SPIDR: variants seen among roughly 807,000 people sequenced by gnomAD.
SPIDR encodes the protein DNA repair-scaffolding protein.
In SPIDR, 93 loss-of-function variants were observed where a neutral mutation model predicts 104.6. The observed-to-expected ratio is 0.89, with a 90% CI of 0.75 to 1.06. SPIDR has a LOEUF of 1.06. Among genes scored for constraint, SPIDR ranks in the 50% least tolerant of loss-of-function variants. The probability of loss-of-function intolerance (pLI) is 0.00; values close to 1 mark genes in which losing one functional copy is unlikely to be tolerated. For synonymous variants in SPIDR, 431 were observed against 416.9 expected (o/e 1.03, Z -0.41); for missense variants, 1,154 against 1,111.2 (o/e 1.04, Z -0.55).
chr8:47,452,923 TC>T (rs1203173599), intron 8 of SPIDR, among the ~76,000 whole-genome samples: 2 of 152,126 alleles, frequency 1.3e-5, no homozygotes, highest in Non-Finnish European at 2.9e-5. Context: ...AGTCAAATTG[TC>T]CCTGTTTGTA....
intron 5 of SPIDR, among the ~76,000 whole-genome samples, chr8:47,328,819 T>C (rs1294211596): frequency 1.3e-5 from 2 of 151,930 alleles, no homozygotes; most frequent in East Asian, 3.9e-4. Flanking sequence ...TGTTTCAGGG[T>C]TTTTTTTCTC....
intron 8 of SPIDR, among the ~76,000 whole-genome samples, chr8:47,531,346 G>C (rs1373305112): frequency 6.6e-6 from 1 of 152,152 alleles, no homozygotes; most frequent in Non-Finnish European, 1.5e-5. Context: ...TGTGAATGGA[G>C]CTGTCATTTC....
At chr8:47,666,943 C>T (rs2075014160) in intron 10 of SPIDR, among the ~76,000 whole-genome samples, 1 of 151,938 alleles carries the variant, frequency 6.6e-6, no homozygotes, top group Non-Finnish European at 1.5e-5. Flanking sequence ...ATGTCATTAA[C>T]TTGATATTTA....
intron 5 of SPIDR, among the ~76,000 whole-genome samples, chr8:47,298,083 A>C (rs1200178709): frequency 6.6e-6 from 1 of 152,156 alleles, no homozygotes; most frequent in Non-Finnish European, 1.5e-5. Context: ...AACAGTGTAA[A>C]AGTGTTCCTG....
At chr8:47,301,054 G>A (rs1269121457) in intron 5 of SPIDR, among the ~76,000 whole-genome samples, 2 of 152,164 alleles carry the variant, frequency 1.3e-5, no homozygotes, top group Non-Finnish European at 2.9e-5. Context: ...GGGTGTTAAA[G>A]TCTCCCATTA....
chr8:47,655,954 A>G (rs1296336081), intron 10 of SPIDR, among the ~76,000 whole-genome samples: 1 of 152,158 alleles, frequency 6.6e-6, no homozygotes, highest in Non-Finnish European at 1.5e-5. Context: ...GTGTCAGGCA[A>G]TTCAATGGAG....
At chr8:47,532,258 G>A (rs893675796) in intron 8 of SPIDR, among the ~76,000 whole-genome samples, 3 of 151,912 alleles carry the variant, frequency 2.0e-5, no homozygotes, top group Non-Finnish European at 4.4e-5. Context: ...TAGTAGAGAT[G>A]GGGTTTCTCC....
At chr8:47,575,604 G>A (rs1448523752) in intron 8 of SPIDR, among the ~76,000 whole-genome samples, 7 of 142,802 alleles carry the variant, frequency 4.9e-5, no homozygotes, top group African/African-American at 1.3e-4. Flanking sequence ...CCGAGATCGC[G>A]CCACTGCACT....
intron 5 of SPIDR, among the ~76,000 whole-genome samples, chr8:47,319,927 C>G (rs1292538821): frequency 4.6e-5 from 7 of 151,780 alleles, no homozygotes; most frequent in African/African-American, 1.7e-4. Flanking sequence ...TAACCAGAAT[C>G]TCTGGGACAC....
chr8:47,610,577 G>A (rs1043127086), intron 10 of SPIDR, among the ~76,000 whole-genome samples: 17 of 152,224 alleles, frequency 1.1e-4, no homozygotes, highest in Non-Finnish European at 2.4e-4. Flanking sequence ...CAGAGCACTT[G>A]GTGCAGCCAG....
At chr8:47,391,780 A>G (rs1203158227) in intron 5 of SPIDR, among the ~76,000 whole-genome samples, 1 of 152,026 alleles carries the variant, frequency 6.6e-6, no homozygotes, top group East Asian at 1.9e-4. Context: ...GCGGATCACG[A>G]GGTCAGGAGA....
chr8:47,463,208 A>T (rs1284913436), intron 8 of SPIDR, among the ~76,000 whole-genome samples: 3 of 151,922 alleles, frequency 2.0e-5, no homozygotes, highest in Admixed American at 2.0e-4. Flanking sequence ...AAATACAAAA[A>T]AAATTAGCTG....
chr8:47,300,045 C>T (rs2154246476), intron 5 of SPIDR, among the ~76,000 whole-genome samples: 1 of 152,240 alleles, frequency 6.6e-6, no homozygotes, highest in Non-Finnish European at 1.5e-5. Context: ...CCTCTTTGTA[C>T]CTCTGGTAGA....
At chr8:47,716,085 C>A (rs1484920144) in intron 16 of SPIDR, among the ~76,000 whole-genome samples, 1 of 151,848 alleles carries the variant, frequency 6.6e-6, no homozygotes, top group African/African-American at 2.4e-5. Context: ...CTGCCTCAGC[C>A]TCCCAAGTAG....
chr8:47,380,196 A>C (rs1326018772), intron 5 of SPIDR, among the ~76,000 whole-genome samples: 2 of 152,180 alleles, frequency 1.3e-5, no homozygotes, highest in African/African-American at 4.8e-5. Flanking sequence ...AGCCTGCACC[A>C]CAGCAACGCG....
At chr8:47,685,513 A>ATTTT (rs376980650) in intron 11 of SPIDR, among the ~76,000 whole-genome samples, 1,266 of 120,984 alleles carry the variant, frequency 0.01, 47 homozygotes, top group Admixed American at 0.038. Flanking sequence ...TTATTTATTT[A>ATTTT]TTTATTTTTT....
chr8:47,611,150 G>A (rs1329429762), intron 10 of SPIDR, among the ~76,000 whole-genome samples: 3 of 152,228 alleles, frequency 2.0e-5, no homozygotes, highest in Non-Finnish European at 4.4e-5. Context: ...AGTCCATGGA[G>A]TTGTGCTACA....
chr8:47,544,452 A>G lies in SPIDR; in HGVS notation c.1098-51359A>G, dbSNP rs571503940. 1.1e-4 allele frequency among the ~76,000 whole-genome samples: 16 copies of G among 152,282 alleles called. No individual in the cohort carries two copies. In the East Asian group the frequency reaches 3.1e-3, roughly 29 times the overall value. On this transcript the variant is annotated intron_variant, in intron 8 of 19. Transcript: ENST00000297423. ...CTAAGAACTCTTCACGTAGCTGTAA[A>G]TCCAAAAGATTTTCTCCTGTGTCAT...
chr8:47,374,720 A>G (rs1247706610), intron 5 of SPIDR, among the ~76,000 whole-genome samples: 2 of 152,204 alleles, frequency 1.3e-5, no homozygotes, highest in Non-Finnish European at 2.9e-5. Flanking sequence ...ACCTAATTTA[A>G]TCAAGGAGAC....
Sources: gnomAD v4.1 joint callset for allele counts (sites outside exome capture counted in the v4.1 genomes callset) on GRCh38, gnomAD v4.1.1 for gene constraint, MANE v1.5 for transcripts, NCBI Gene and HGNC (gene_info 2026-07-23, HGNC 2026-07-21) for gene names.